Variants in GUCY1A2 observed in about 807,000 individuals in gnomAD.
GUCY1A2 encodes guanylate cyclase 1 soluble subunit alpha 2, also known as guanylate cyclase soluble subunit alpha-2.
A neutral mutation model predicts 63.5 loss-of-function variants in GUCY1A2; 27 were observed. The ratio of observed to expected loss-of-function variants is 0.43; its 90% CI spans 0.31 to 0.59. The LOEUF is 0.59. Among genes scored for constraint, GUCY1A2 ranks in the 20% least tolerant of loss-of-function variants. The pLI is 0.11. For synonymous variants in GUCY1A2, 364 were observed against 343.5 expected (o/e 1.06, Z -0.66); for missense variants, 768 against 913.3 (o/e 0.84, Z 2.05).
intron 4 of GUCY1A2, among the ~76,000 whole-genome samples, chr11:106,926,143 GGC>G (rs1463674713): frequency 1.6e-4 from 24 of 152,096 alleles, no homozygotes; most frequent in African/African-American, 5.6e-4. Context: ...GACTAGGCTG[GGC>G]GCAGTGGTTC....
intron 4 of GUCY1A2, among the ~76,000 whole-genome samples, chr11:106,876,023 G>C (rs1859743872): frequency 6.6e-6 from 1 of 151,726 alleles, no homozygotes; most frequent in Non-Finnish European, 1.5e-5. Flanking sequence ...ACCCTTTCCA[G>C]GTGAAAGCAA....
intron 4 of GUCY1A2, among the ~76,000 whole-genome samples, chr11:106,911,678 TATCAAGA>T (rs1860296282): frequency 6.6e-6 from 1 of 152,108 alleles, no homozygotes; most frequent in South Asian, 2.1e-4. Flanking sequence ...TTTGTTCTAC[TATCAAGA>T]AGGAAGAACC....
chr11:106,887,487 T>A (rs921304171), intron 4 of GUCY1A2, among the ~76,000 whole-genome samples: 2 of 152,172 alleles, frequency 1.3e-5, no homozygotes, highest in African/African-American at 4.8e-5. Context: ...CTGAAAGTCA[T>A]CTTTTTTATC....
intron 4 of GUCY1A2, among the ~76,000 whole-genome samples, chr11:106,925,708 C>A (rs1860512698): frequency 6.6e-6 from 1 of 152,200 alleles, no homozygotes; most frequent in Non-Finnish European, 1.5e-5. Context: ...TATCAACACT[C>A]AAAAGCTTCT....
chr11:106,817,135 G>A (rs540219439), intron 4 of GUCY1A2, among the ~76,000 whole-genome samples: 29 of 152,104 alleles, frequency 1.9e-4, no homozygotes, highest in Non-Finnish European at 1.3e-4. Flanking sequence ...AGTTAATGAC[G>A]AAATAATTCA....
chr11:106,989,562 C>T (rs1368846688), intron 1 of GUCY1A2, among the ~76,000 whole-genome samples: 2 of 151,856 alleles, frequency 1.3e-5, no homozygotes, highest in Non-Finnish European at 2.9e-5. Flanking sequence ...TGGTTCCTAC[C>T]CTCAGGAGTC....
At chr11:106,787,145 C>G (rs1046663056) in intron 5 of GUCY1A2, among the ~76,000 whole-genome samples, 2 of 151,578 alleles carry the variant, frequency 1.3e-5, no homozygotes, top group Admixed American at 6.6e-5. Flanking sequence ...TGTGGGTACA[C>G]AGTATATATT....
At chr11:107,008,702 C>A (rs1260860152) in intron 1 of GUCY1A2, among the ~76,000 whole-genome samples, 1 of 152,094 alleles carries the variant, frequency 6.6e-6, no homozygotes, top group Admixed American at 6.5e-5. Context: ...AGGTACAATA[C>A]AATAAGTCCC....
intron 3 of GUCY1A2, among the ~76,000 whole-genome samples, chr11:106,955,841 C>G (rs570034639): frequency 2.3e-4 from 35 of 152,122 alleles, no homozygotes; most frequent in African/African-American, 8.2e-4. Context: ...TCATGTTGGC[C>G]TGTCTTGCTA....
At chr11:106,705,230 C>T (rs978405542) in intron 7 of GUCY1A2, among the ~76,000 whole-genome samples, 3 of 151,956 alleles carry the variant, frequency 2.0e-5, no homozygotes, top group East Asian at 1.9e-4. Context: ...TGTCATACAG[C>T]GATTAAAATG....
At chr11:106,975,781 CACA>C (rs1442682093) in intron 3 of GUCY1A2, among the ~76,000 whole-genome samples, 2 of 152,180 alleles carry the variant, frequency 1.3e-5, no homozygotes, top group Non-Finnish European at 1.5e-5. Flanking sequence ...CCTTGTAGGG[CACA>C]ACATGTGCTC....
At chr11:106,889,461 T>A (rs574222378) in intron 4 of GUCY1A2, among the ~76,000 whole-genome samples, 3 of 152,108 alleles carry the variant, frequency 2.0e-5, no homozygotes, top group African/African-American at 7.2e-5. Flanking sequence ...ACCCCTCACG[T>A]CTCAAGCATT....
intron 1 of GUCY1A2, among the ~76,000 whole-genome samples, chr11:106,998,924 A>C (rs922442406): frequency 9.2e-5 from 14 of 152,214 alleles, no homozygotes; most frequent in African/African-American, 3.4e-4. Context: ...AAGAACGTTA[A>C]ATAATTTACC....
intron 4 of GUCY1A2, among the ~76,000 whole-genome samples, chr11:106,819,632 T>TG: frequency 6.6e-6 from 1 of 152,322 alleles, no homozygotes; most frequent in Middle Eastern, 3.4e-3. Context: ...ATAATGCTAT[T>TG]GCAAACTTAA....
chr11:106,996,055 T>C (rs951744705), intron 1 of GUCY1A2, among the ~76,000 whole-genome samples: 42 of 152,320 alleles, frequency 2.8e-4, no homozygotes, highest in African/African-American at 9.9e-4. Flanking sequence ...CAAAGAGATA[T>C]GCTGTCAACC....
chr11:106,871,208 G>C (rs1231512177), intron 4 of GUCY1A2, among the ~76,000 whole-genome samples: 1 of 152,090 alleles, frequency 6.6e-6, no homozygotes, highest in African/African-American at 2.4e-5. Flanking sequence ...GAGAAACACA[G>C]AAAACCAAAT....
intron 4 of GUCY1A2, among the ~76,000 whole-genome samples, chr11:106,895,032 A>C (rs1159607761): frequency 1.3e-5 from 2 of 152,196 alleles, no homozygotes; most frequent in East Asian, 3.8e-4. Context: ...AAAAAAGAGA[A>C]GGGATACAAA....
At chr11:106,746,504 T>C in intron 6 of GUCY1A2, 2 of 967,208 alleles carry the variant, frequency 2.1e-6, no homozygotes, top group Non-Finnish European at 3.2e-6. Context: ...CCAATATGCA[T>C]AGCTGTATCC....
intron 3 of GUCY1A2, among the ~76,000 whole-genome samples, chr11:106,966,851 A>C (rs1420011192): frequency 2.0e-5 from 3 of 152,218 alleles, no homozygotes; most frequent in Non-Finnish European, 1.5e-5. Flanking sequence ...AATTAAGAGA[A>C]GTAAACACGT....
Sources: allele counts gnomAD v4.1 joint callset (sites outside exome capture counted in the v4.1 genomes callset), GRCh38; gene constraint gnomAD v4.1.1; transcripts MANE v1.5; gene names NCBI Gene and HGNC (gene_info 2026-07-23, HGNC 2026-07-21).